Variants in KIF1B observed in about 807,000 individuals in gnomAD.
The protein encoded by KIF1B is kinesin-like protein KIF1B.
A neutral mutation model predicts 241.9 loss-of-function variants in KIF1B; 76 were observed. That is an observed-to-expected ratio of 0.31 (90% CI 0.26 to 0.38). The LOEUF (loss-of-function observed/expected upper bound fraction) is 0.38, where lower values mean the gene tolerates loss of function less well. Among genes scored for constraint, KIF1B ranks in the 10% least tolerant of loss-of-function variants. KIF1B has a pLI of 1.00. For synonymous variants in KIF1B, 750 were observed against 796.7 expected, an observed-to-expected ratio of 0.94 and a Z score of 0.99; for missense variants, 1,622 against 2,271.4, an observed-to-expected ratio of 0.71 and a Z score of 5.81.
intron 1 of KIF1B, among the ~76,000 whole-genome samples, chr1:10,212,890 G>A (rs866727005): frequency 5.5e-5 from 6 of 109,488 alleles, no homozygotes; most frequent in South Asian, 6.1e-4. Context: ...ATGCGTGTGT[G>A]TATATATATA....
chr1:10,372,478 A>G (rs972298168), intron 45 of KIF1B, among the ~76,000 whole-genome samples: 1 of 151,578 alleles, frequency 6.6e-6, no homozygotes, highest in African/African-American at 2.4e-5. Context: ...TGAGGCTGCA[A>G]TGAGCCATGG....
At chr1:10,225,645 C>G (rs1646899778) in intron 1 of KIF1B, among the ~76,000 whole-genome samples, 2 of 152,018 alleles carry the variant, frequency 1.3e-5, no homozygotes, top group South Asian at 4.1e-4. Context: ...TTAAAAAGAA[C>G]AAGACAAAGG....
chr1:10,340,892 C>T (rs1652368076), intron 32 of KIF1B, among the ~76,000 whole-genome samples: 2 of 152,240 alleles, frequency 1.3e-5, no homozygotes, highest in South Asian at 4.1e-4. Context: ...TTCACTACTA[C>T]ATGAAACTGT....
chr1:10,215,127 ATT>A (rs1046248883), intron 1 of KIF1B, among the ~76,000 whole-genome samples: 23 of 136,742 alleles, frequency 1.7e-4, no homozygotes, highest in African/African-American at 6.2e-4. Flanking sequence ...GGATTTAAAA[ATT>A]TATATATTTT....
chr1:10,304,768 TTTTA>T (rs1279055900), intron 22 of KIF1B: 1 of 1,536,506 alleles, frequency 6.5e-7, no homozygotes. Context: ...TATTAACTGG[TTTTA>T]TATTGTTAAG....
chr1:10,334,856 A>G (rs1031478981), intron 28 of KIF1B, among the ~76,000 whole-genome samples: 4 of 152,182 alleles, frequency 2.6e-5, no homozygotes, highest in African/African-American at 7.2e-5. Flanking sequence ...GACTACTGCT[A>G]CTTTGCAATA....
chr1:10,301,192 C>T (rs944308677), intron 22 of KIF1B, among the ~76,000 whole-genome samples: 4 of 152,104 alleles, frequency 2.6e-5, no homozygotes, highest in Admixed American at 6.5e-5. Context: ...AAACTTTGGT[C>T]TAGGAGGCAA....
chr1:10,304,583 C>A (rs1366344415), intron 22 of KIF1B: 1 of 1,613,986 alleles, frequency 6.2e-7, no homozygotes, highest in Admixed American at 1.7e-5. Context: ...TTTGTGACAC[C>A]TCCGCGGATG....
Position 10,374,369 on chromosome 1 carries a change from T to A in KIF1B, c.5000T>A (p.Phe1667Tyr), listed in dbSNP as rs1006718339. 1 of 1,614,162 alleles carries A rather than the reference T, an allele frequency of 6.2e-7. No homozygotes were observed. The highest frequency in any genetic ancestry group is 1.3e-5 in the African/African-American group (1 of 75,038). ...ASSPCPEFEQFQIVPAVETPY... is the reference protein window; with the variant it reads ...ASSPCPEFEQYQIVPAVETPY... ...AGTCCCTGCCCAGAATTTGAACAGT[T>A]TCAGATTGTCCCAGCTGTGGAAACA... The change falls in exon 46 of 49, where the codon TTT becomes TAT. Residue 1667 changes from phenylalanine (F) to tyrosine (Y), a missense_variant. Physicochemically the swap from Phe to Tyr is conservative, Grantham distance 22. This residue lies in a region of KIF1B where 357 missense variants were observed against 409.0 expected (regional missense o/e 0.87). Transcript: ENST00000676179. The surrounding 1 kb of genome is among the most constrained non-coding windows in gnomAD (Gnocchi z 4.3).
chr1:10,307,890 C>G, intron 22 of KIF1B: 1 of 1,048,970 alleles, frequency 9.5e-7, no homozygotes, highest in Non-Finnish European at 1.2e-6. Flanking sequence ...AGGGCATTTT[C>G]TTTATTCCTG....
chr1:10,320,766 G>A (rs1156529540), intron 23 of KIF1B, among the ~76,000 whole-genome samples: 5 of 151,162 alleles, frequency 3.3e-5, no homozygotes, highest in African/African-American at 4.9e-5. Context: ...TGCTCTTGTC[G>A]CCCACGCTGG....
At chr1:10,307,739 A>T in intron 22 of KIF1B, 1 of 1,032,666 alleles carries the variant, frequency 9.7e-7, no homozygotes, top group Non-Finnish European at 1.2e-6. Flanking sequence ...GTGGGAAAAA[A>T]GTGTTTATTC....
At chr1:10,372,651 TTGGGTGACAGAG>T (rs1250599878) in intron 45 of KIF1B, among the ~76,000 whole-genome samples, 2 of 117,098 alleles carry the variant, frequency 1.7e-5, no homozygotes, top group South Asian at 3.3e-4. Flanking sequence ...GCGCGCCAGC[TTGGGTGACAGAG>T]CTGTCACCCA....
intron 45 of KIF1B, among the ~76,000 whole-genome samples, chr1:10,373,631 G>C (rs1384032603): frequency 4.6e-5 from 7 of 152,170 alleles, no homozygotes; most frequent in Non-Finnish European, 8.8e-5. Flanking sequence ...ACTCTACAAA[G>C]ATATCTAGCA....
chr1:10,257,247 T>G (rs113567678), intron 3 of KIF1B, among the ~76,000 whole-genome samples: 61 of 150,982 alleles, frequency 4.0e-4, no homozygotes, highest in African/African-American at 1.4e-3. Context: ...TTTTTAATTG[T>G]AGTAGAGCAA....
intron 27 of KIF1B, among the ~76,000 whole-genome samples, chr1:10,333,535 C>T (rs753859378): frequency 5.9e-5 from 9 of 151,484 alleles, no homozygotes; most frequent in Non-Finnish European, 1.2e-4. Flanking sequence ...AGTAAAAATA[C>T]AAAAAAATTA....
chr1:10,366,424 C>T (rs778935655), intron 43 of KIF1B, among the ~76,000 whole-genome samples: 1 of 151,330 alleles, frequency 6.6e-6, no homozygotes, highest in Non-Finnish European at 1.5e-5. Flanking sequence ...TCGACACCTG[C>T]GTGATCAGGA....
intron 1 of KIF1B, among the ~76,000 whole-genome samples, chr1:10,212,841 TAA>T (rs1297237308): frequency 1.6e-5 from 2 of 128,684 alleles, no homozygotes; most frequent in Admixed American, 8.5e-5. Context: ...AGACCCTGGC[TAA>T]AAAAAAAAAT....
At chr1:10,338,113 A>C (rs1485465688) in intron 31 of KIF1B, among the ~76,000 whole-genome samples, 1 of 151,980 alleles carries the variant, frequency 6.6e-6, no homozygotes, top group Non-Finnish European at 1.5e-5. Context: ...TTTTTTGTGA[A>C]TCTTCAGTTT....
Sources: allele counts gnomAD v4.1 joint callset (sites outside exome capture counted in the v4.1 genomes callset), GRCh38; gene constraint gnomAD v4.1.1; regional missense constraint gnomAD v4.1.1; non-coding constraint Gnocchi (gnomAD v3.1); transcripts MANE v1.5; gene names NCBI Gene and HGNC (gene_info 2026-07-23, HGNC 2026-07-21).